Variants in OR8S1 observed in about 807,000 individuals in gnomAD.
OR8S1 encodes olfactory receptor 8S1.
For synonymous variants in OR8S1, 150 were observed against 151.4 expected (o/e 0.99, Z 0.07); for missense variants, 362 against 372.1 (o/e 0.97, Z 0.22).
exon 1 of OR8S1, chr12:48,526,526 C>G (rs755675905): frequency 6.3e-7 from 1 of 1,593,048 alleles, no homozygotes; most frequent in South Asian, 1.1e-5. Context: ...GAAGGTAGCT[C>G]TGAAAAGAAC....
At chr12:48,526,152 T>G in exon 1 of OR8S1, 1 of 1,614,136 alleles carries the variant, frequency 6.2e-7, no homozygotes, top group Non-Finnish European at 8.5e-7. Context: ...GCCAAAATCA[T>G]TCACCACTAC....
exon 1 of OR8S1, chr12:48,525,660 C>T (rs1359799307): frequency 3.7e-6 from 6 of 1,613,656 alleles, no homozygotes; most frequent in Non-Finnish European, 8.5e-7. Flanking sequence ...AGCACCATCA[C>T]CGAGTTCCTC....
Position 48,526,273 on chromosome 12 carries a change from C to T in OR8S1, c.642C>T (p.Val214=), listed in dbSNP as rs1938219149. The T allele has an allele frequency of 4.3e-6, 7 of 1,613,464 alleles. No individual in the cohort carries two copies. In the East Asian group the frequency reaches 1.1e-4, roughly 26 times the overall value. Residue 214 remains valine (V), a synonymous_variant, in exon 1 of 1, where the codon GTC becomes GTT. Transcript: ENST00000641651. ...ATGGGCTGGGAAACTTCCTTTTGGTCTTCTTATCCTACACCCGTATAATCT... is the reference window on the plus strand; with the variant it reads ...ATGGGCTGGGAAACTTCCTTTTGGTTTTCTTATCCTACACCCGTATAATCT...
chr12:48,526,005 C>A (rs752754653), exon 1 of OR8S1: 1 of 1,614,168 alleles, frequency 6.2e-7, no homozygotes, highest in South Asian at 1.1e-5. Flanking sequence ...CGCCATGCTG[C>A]CATCTGCCGC....
chr12:48,526,157 C>G (rs866100146), exon 1 of OR8S1: 1 of 1,614,156 alleles, frequency 6.2e-7, no homozygotes, highest in East Asian at 2.2e-5. Context: ...AATCATTCAC[C>G]ACTACAGCTA....
Position 48,526,277 on chromosome 12 carries a change from TTATCC to T in OR8S1, c.649_653del (p.Ser217HisfsTer71). On this transcript the variant is annotated frameshift_variant, in exon 1 of 1. Coordinates refer to ENST00000641651, the Ensembl canonical transcript of OR8S1. LOFTEE classifies it low-confidence loss of function (END_TRUNC). Reference sequence around the variant, plus strand: ...GCTGGGAAACTTCCTTTTGGTCTTCTTATCCTACACCCGTATAATCTCTACCATCC... The same window carrying T: ...GCTGGGAAACTTCCTTTTGGTCTTCTTACACCCGTATAATCTCTACCATCC... The T allele has an allele frequency of 6.2e-7, 1 of 1,614,094 alleles. No homozygotes were observed. The highest frequency in any genetic ancestry group is 8.5e-7 in the Non-Finnish European group (1 of 1,180,002).
exon 1 of OR8S1, chr12:48,525,811 T>C (rs747428356): frequency 1.2e-6 from 2 of 1,614,030 alleles, no homozygotes; most frequent in African/African-American, 2.7e-5. Context: ...AGCCCATGTA[T>C]TTCTTCCTGA....
At chr12:48,525,650 A>G (rs1414206381) in exon 1 of OR8S1, 2 of 1,612,900 alleles carry the variant, frequency 1.2e-6, no homozygotes, top group Admixed American at 1.7e-5. Flanking sequence ...GGGGAATCAC[A>G]GCACCATCAC....
At chr12:48,525,757 C>A in exon 1 of OR8S1, 1 of 1,614,154 alleles carries the variant, frequency 6.2e-7, no homozygotes, top group Non-Finnish European at 8.5e-7. Flanking sequence ...TAATGGAAAA[C>A]CTGATGCTGC....
chr12:48,526,361 C>T (rs749151041), exon 1 of OR8S1: 2 of 1,614,126 alleles, frequency 1.2e-6, no homozygotes, highest in Admixed American at 1.7e-5. Flanking sequence ...CTGCTCTGCC[C>T]ACCTCACTGC....
At chr12:48,526,029 G>A (rs1384496431) in exon 1 of OR8S1, 2 of 1,614,112 alleles carry the variant, frequency 1.2e-6, no homozygotes, top group Non-Finnish European at 1.7e-6. Context: ...CTACTTTATG[G>A]ACAGATCATG....
chr12:48,526,524 C>G (rs1387077936), exon 1 of OR8S1: 1 of 1,595,344 alleles, frequency 6.3e-7, no homozygotes, highest in South Asian at 1.1e-5. Flanking sequence ...GTGAAGGTAG[C>G]TCTGAAAAGA....
chr12:48,526,139 G>A (rs1262749202), exon 1 of OR8S1: 1 of 1,614,118 alleles, frequency 6.2e-7, no homozygotes, highest in South Asian at 1.1e-5. Flanking sequence ...GGTCTTTTGT[G>A]AAGCCAAAAT....
chr12:48,526,413 T>C (rs753152209), exon 1 of OR8S1: 14 of 1,614,142 alleles, frequency 8.7e-6, no homozygotes, highest in Non-Finnish European at 1.2e-5. Context: ...CGCCATCTCA[T>C]GCCAAACTCA....
chr12:48,526,162 C>T (rs1175346076), exon 1 of OR8S1: 1 of 1,614,144 alleles, frequency 6.2e-7, no homozygotes, highest in Admixed American at 1.7e-5. Flanking sequence ...TTCACCACTA[C>T]AGCTATGAGA....
chr12:48,525,794 C>CTCCATAAGCCCATGTATTTCT (rs1938212601), exon 1 of OR8S1: 1 of 1,614,062 alleles, frequency 6.2e-7, no homozygotes, highest in Non-Finnish European at 8.5e-7. Context: ...TGATTCTTGT[C>CTCCATAAGCCCATGTATTTCT]TCCATAAGCC....
chr12:48,526,207 C>T, exon 1 of OR8S1: 1 of 1,614,172 alleles, frequency 6.2e-7, no homozygotes, highest in Non-Finnish European at 8.5e-7. Flanking sequence ...GCTCTGATAT[C>T]TCCAGAAGCC....
chr12:48,526,421 T>A, exon 1 of OR8S1: 1 of 1,614,076 alleles, frequency 6.2e-7, no homozygotes, highest in Non-Finnish European at 8.5e-7. Context: ...CATGCCAAAC[T>A]CAGGTTCCCC....
chr12:48,525,994 C>T lies in OR8S1; in HGVS notation c.363C>T (p.Asp121=), dbSNP rs1191985871. The change falls in exon 1 of 1, where the codon GAC becomes GAT. Residue 121 remains aspartate, a synonymous_variant. Transcript: ENST00000641651. ...GCCTTCTCTCAGGGATGGCCTATGA[C>T]CGCCATGCTGCCATCTGCCGCCCAC... is the stretch of plus-strand genomic sequence containing the variant. The T allele has an allele frequency of 3.1e-6, 5 of 1,614,072 alleles. No individual in the cohort carries two copies. In the African/African-American group the frequency reaches 6.7e-5, roughly 22 times the overall value.
Sources: gnomAD v4.1 joint callset for allele counts on GRCh38, gnomAD v4.1.1 for gene constraint, MANE v1.5 for transcripts, NCBI Gene and HGNC (gene_info 2026-07-23, HGNC 2026-07-21) for gene names.